PPFIA2: variants seen among roughly 807,000 people sequenced by gnomAD.
The protein encoded by PPFIA2 is liprin-alpha-2.
A neutral mutation model predicts 175.5 loss-of-function variants in PPFIA2; 46 were observed. That is an observed-to-expected ratio of 0.26 (90% CI 0.21 to 0.34). PPFIA2 has a LOEUF of 0.34. PPFIA2 is among the 10% of genes least tolerant of loss of function. The probability of loss-of-function intolerance (pLI) is 1.00; values close to 1 mark genes in which losing one functional copy is unlikely to be tolerated. For missense variants in PPFIA2, 1,179 were observed against 1,506.1 expected, an observed-to-expected ratio of 0.78 and a Z score of 3.60; for synonymous variants, 568 against 511.4, an observed-to-expected ratio of 1.11 and a Z score of -1.49.
At chr12:81,385,282 T>C (rs1299888254) in intron 8 of PPFIA2, among the ~76,000 whole-genome samples, 3 of 152,116 alleles carry the variant, frequency 2.0e-5, no homozygotes, top group Admixed American at 2.0e-4. Context: ...GTATAGCCAC[T>C]ACAGAAAAAG....
intron 22 of PPFIA2, among the ~76,000 whole-genome samples, chr12:81,314,324 T>C (rs1435952444): frequency 6.6e-6 from 1 of 151,972 alleles, no homozygotes; most frequent in African/African-American, 2.4e-5. Flanking sequence ...TTATTTATAG[T>C]AGCATATAGC....
At chr12:81,496,663 T>C (rs1056750552) in intron 4 of PPFIA2, among the ~76,000 whole-genome samples, 3 of 152,208 alleles carry the variant, frequency 2.0e-5, no homozygotes, top group Admixed American at 6.5e-5. Context: ...AGCTTTAATA[T>C]ACAAGATCAG....
At chr12:81,679,636 T>C (rs550145890) in intron 3 of PPFIA2, among the ~76,000 whole-genome samples, 46 of 152,104 alleles carry the variant, frequency 3.0e-4, no homozygotes, top group Middle Eastern at 3.4e-3. Flanking sequence ...TACGAATTCA[T>C]GGCTCTAAAT....
intron 4 of PPFIA2, among the ~76,000 whole-genome samples, chr12:81,466,138 T>A (rs1003217413): frequency 1.3e-5 from 2 of 152,132 alleles, no homozygotes; most frequent in East Asian, 3.9e-4. Flanking sequence ...GGACTCAGAA[T>A]TTTCACAAAA....
chr12:81,414,997 A>G (rs532011092), intron 7 of PPFIA2, among the ~76,000 whole-genome samples: 4 of 150,026 alleles, frequency 2.7e-5, no homozygotes, highest in African/African-American at 7.3e-5. Flanking sequence ...ACCAATGGAG[A>G]GCAACTTCAT....
At chr12:81,324,284 A>G (rs2054286053) in intron 22 of PPFIA2, among the ~76,000 whole-genome samples, 1 of 152,084 alleles carries the variant, frequency 6.6e-6, no homozygotes, top group East Asian at 1.9e-4. Context: ...AAATCACTGT[A>G]TAATTGAAAT....
intron 8 of PPFIA2, among the ~76,000 whole-genome samples, chr12:81,390,625 T>C (rs1170563438): frequency 1.3e-5 from 2 of 152,030 alleles, no homozygotes; most frequent in African/African-American, 2.4e-5. Context: ...TTGATTTACA[T>C]GTATTTTTAT....
At chr12:81,392,102 AAATG>A (rs1261984835) in intron 8 of PPFIA2, among the ~76,000 whole-genome samples, 1 of 151,928 alleles carries the variant, frequency 6.6e-6, no homozygotes, top group Non-Finnish European at 1.5e-5. Flanking sequence ...GAATTTAAGA[AAATG>A]AATTAAGAGG....
chr12:81,516,701 A>C (rs1716876960), intron 4 of PPFIA2, among the ~76,000 whole-genome samples: 1 of 152,230 alleles, frequency 6.6e-6, no homozygotes, highest in Admixed American at 6.5e-5. Context: ...AGAAGGAACT[A>C]ACCCTGCAAA....
At chr12:81,423,697 G>T (rs764218061) in intron 7 of PPFIA2, among the ~76,000 whole-genome samples, 1 of 152,066 alleles carries the variant, frequency 6.6e-6, no homozygotes, top group Non-Finnish European at 1.5e-5. Context: ...AGAAAAGGAT[G>T]CCCACTTTTA....
intron 4 of PPFIA2, among the ~76,000 whole-genome samples, chr12:81,578,553 T>G (rs1377791089): frequency 6.6e-6 from 1 of 151,866 alleles, no homozygotes; most frequent in East Asian, 1.9e-4. Context: ...TTTAAAAAGT[T>G]TCATGACGAG....
chr12:81,396,402 A>C (rs1012331966), intron 8 of PPFIA2, among the ~76,000 whole-genome samples: 1 of 152,100 alleles, frequency 6.6e-6, no homozygotes, highest in African/African-American at 2.4e-5. Context: ...ATGACATTTG[A>C]ACAAAGACTG....
intron 23 of PPFIA2, among the ~76,000 whole-genome samples, chr12:81,296,093 C>T (rs1200131291): frequency 6.6e-6 from 1 of 151,764 alleles, no homozygotes; most frequent in Admixed American, 6.6e-5. Flanking sequence ...ATTGCCTGAG[C>T]TTAGGAGTTC....
At chr12:81,395,819 A>G (rs886769732) in intron 8 of PPFIA2, among the ~76,000 whole-genome samples, 2 of 152,048 alleles carry the variant, frequency 1.3e-5, no homozygotes, top group African/African-American at 4.8e-5. Flanking sequence ...TTAATTTGTC[A>G]GTCCCACCCA....
intron 4 of PPFIA2, among the ~76,000 whole-genome samples, chr12:81,567,341 G>T (rs376371018): frequency 1.3e-5 from 2 of 152,142 alleles, no homozygotes; most frequent in Non-Finnish European, 2.9e-5. Flanking sequence ...GATCCACTGC[G>T]CCCGGCCAGG....
chr12:81,486,273 T>C (rs1183696485), intron 4 of PPFIA2, among the ~76,000 whole-genome samples: 1 of 151,768 alleles, frequency 6.6e-6, no homozygotes, highest in Non-Finnish European at 1.5e-5. Flanking sequence ...CTTACATGCC[T>C]TACTGTCTTA....
chr12:81,451,558 A>T (rs1412367044), intron 5 of PPFIA2, among the ~76,000 whole-genome samples: 1 of 152,198 alleles, frequency 6.6e-6, no homozygotes, highest in Non-Finnish European at 1.5e-5. Context: ...TGCTTTAATT[A>T]ATGTCTTTAT....
At chr12:81,541,381 T>TA (rs200870367) in intron 4 of PPFIA2, among the ~76,000 whole-genome samples, 3,037 of 152,180 alleles carry the variant, frequency 0.02, 61 homozygotes, top group East Asian at 0.041. Flanking sequence ...TAATGCAAGA[T>TA]AATTTTATGT....
At chr12:81,677,600 T>A (rs1596313130) in intron 3 of PPFIA2, among the ~76,000 whole-genome samples, 1 of 152,012 alleles carries the variant, frequency 6.6e-6, no homozygotes, top group East Asian at 1.9e-4. Context: ...ACAGGTGACA[T>A]TTATCTTTTT....
Sources: allele counts gnomAD v4.1 joint callset (sites outside exome capture counted in the v4.1 genomes callset), GRCh38; gene constraint gnomAD v4.1.1; transcripts MANE v1.5; gene names NCBI Gene and HGNC (gene_info 2026-07-23, HGNC 2026-07-21).